Variants in PLCB2 observed in about 807,000 individuals in gnomAD.
PLCB2 encodes phospholipase C beta 2.
A neutral mutation model predicts 141.7 loss-of-function variants in PLCB2; 115 were observed. The ratio of observed to expected loss-of-function variants is 0.81; its 90% CI spans 0.70 to 0.95. PLCB2 has a LOEUF of 0.95. Ranked by LOEUF, PLCB2 falls within the 40% of genes least tolerant of loss-of-function variation. The pLI is 0.00. For missense variants in PLCB2, 1,403 were observed against 1,541.1 expected, an observed-to-expected ratio of 0.91 and a Z score of 1.50; for synonymous variants, 603 against 595.6, an observed-to-expected ratio of 1.01 and a Z score of -0.18.
chr15:40,292,371 T>A lies in PLCB2; in HGVS notation c.2399A>T (p.Glu800Val), dbSNP rs1242657944. Residue 800 changes from glutamate (E) to valine (V), a missense_variant, in exon 22 of 32, where the codon GAG becomes GTG. Glu to Val is a moderately radical substitution (Grantham distance 121). Transcript: ENST00000260402. Reference protein sequence around the residue: ...LTMPALFIFLEMKDYIPGAWA... With the variant: ...LTMPALFIFLVMKDYIPGAWA... ...AGCACCAGGTATGTAGTCCTTCATC[T>A]CCAGGAAGATGAAGAGCGCAGGCAT... 1.2e-6 allele frequency: 2 copies of A among 1,613,662 alleles called. No homozygotes were observed. The highest frequency in any genetic ancestry group is 3.3e-5 in the Admixed American group (2 of 60,002).
chr15:40,293,696 C>A lies in PLCB2; in HGVS notation c.2090G>T (p.Arg697Leu). The change falls in exon 20 of 32, where the codon CGC (arginine) becomes CTC (leucine). Residue 697 changes from arginine to leucine, a missense_variant. Arg to Leu is a moderately radical substitution (Grantham distance 102). Coordinates refer to ENST00000260402, the MANE Select transcript of PLCB2 (RefSeq NM_004573.3). Reference protein sequence around the residue: ...TVISGQFLSERSVRTYVEVEL... With the variant: ...TVISGQFLSELSVRTYVEVEL... ...CACTTCTACATAGGTGCGCACGCTG[C>A]GTTCTGACAGGAACTGCCCAGAGAT... 6.2e-7 allele frequency: 1 copy of A among 1,613,636 alleles called. No individual in the cohort carries two copies. Among genetic ancestry groups the A allele is most frequent in the Non-Finnish European group, 8.5e-7 (1 of 1,179,654 alleles).
At chr15:40,299,958 C>T (rs2040425646) in intron 7 of PLCB2, among the ~76,000 whole-genome samples, 2 of 152,156 alleles carry the variant, frequency 1.3e-5, no homozygotes, top group Admixed American at 6.5e-5. Context: ...TAGTTAGAGA[C>T]ATGCAAATCA....
rs557741267 is a variant in PLCB2, at chr15:40,305,828, C to T, written c.85-1750G>A. Among the ~76,000 whole-genome samples, 21 of 152,344 alleles carry T rather than the reference C, an allele frequency of 1.4e-4. No individual in the cohort carries two copies. In the Middle Eastern group the frequency reaches 0.01, roughly 74 times the overall value. On this transcript the variant is annotated intron_variant, in intron 1 of 31. Transcript: ENST00000260402. Reference sequence around the variant, plus strand: ...CCCTTTCCCACCTCCCTCCCTATAGCTCATGCCTAGAGGGGCCTTGAGCAG... The same window carrying T: ...CCCTTTCCCACCTCCCTCCCTATAGTTCATGCCTAGAGGGGCCTTGAGCAG...
chr15:40,294,214 C>A, intron 19 of PLCB2, 52 bp downstream of exon 19: 1 of 1,589,328 alleles, frequency 6.3e-7, no homozygotes. Flanking sequence ...CTCCTGTGCC[C>A]TTCTACTCAA....
chr15:40,302,619 G>T lies in PLCB2; in HGVS notation c.232-10C>A, dbSNP rs942295404. ...CCCGGAGCTTCTGGCTCTGCAGCACGTGGTGGTATGGTTAGGATGGAGGTG... is the reference window on the plus strand; with the variant it reads ...CCCGGAGCTTCTGGCTCTGCAGCACTTGGTGGTATGGTTAGGATGGAGGTG... On this transcript the variant is annotated splice_polypyrimidine_tract_variant and intron_variant, in intron 3 of 31. Coordinates refer to ENST00000260402, the MANE Select transcript of PLCB2 (RefSeq NM_004573.3). 1.9e-6 allele frequency: 3 copies of T among 1,613,824 alleles called. No individual in the cohort carries two copies. The highest frequency in any genetic ancestry group is 2.5e-6 in the Non-Finnish European group (3 of 1,179,860).
chr15:40,292,794 T>G, intron 21 of PLCB2, 132 bp downstream of exon 21: 1 of 606,466 alleles, frequency 1.6e-6, no homozygotes, highest in Admixed American at 2.8e-5. Context: ...GGAGAGGTAC[T>G]GTTCTGCCCT....
intron 7 of PLCB2, among the ~76,000 whole-genome samples, chr15:40,299,510 G>A (rs1039095200): frequency 6.6e-6 from 1 of 152,218 alleles, no homozygotes; most frequent in Non-Finnish European, 1.5e-5. Flanking sequence ...AAAGAGGTCA[G>A]AAGAAATGAT....
In PLCB2 at chr15:40,292,081, T is replaced by G. The variant is rs2039969391; in HGVS notation, c.2509A>C (p.Met837Leu). The change falls in exon 23 of 32, where the codon ATG (methionine) becomes CTG (leucine). Residue 837 changes from methionine (M) to leucine (L), a missense_variant. Coordinates refer to ENST00000260402, the MANE Select transcript of PLCB2 (RefSeq NM_004573.3). ...DTKSVKLKEA[M>L]GGLPEKPFPL... The stretch of plus-strand genomic sequence containing the variant: ...ACACAGACCTCAGGCAGACCTCCCA[T>G]GGCCTCCTTGAGCTTCACAGACTTC... 1 of 1,614,006 alleles carries G rather than the reference T, an allele frequency of 6.2e-7. No homozygotes were observed. Among genetic ancestry groups the G allele is most frequent in the African/African-American group, 1.3e-5 (1 of 74,928 alleles).
intron 7 of PLCB2, 173 bp from the exon 8 acceptor site, chr15:40,299,401 G>C: frequency 1.8e-6 from 1 of 570,806 alleles, no homozygotes; most frequent in South Asian, 2.1e-5. Context: ...GCTGAGCAGA[G>C]AGCATGCTTA....
chr15:40,285,999 G>C (rs2039603747), downstream of PLCB2: 1 of 985,554 alleles, frequency 1.0e-6, no homozygotes, highest in African/African-American at 1.7e-5. Context: ...TGGTTCCCAT[G>C]GCAGGAAGGG....
At chr15:40,304,267 A>G (rs1361561498) in intron 1 of PLCB2, among the ~76,000 whole-genome samples, 189 bp from the exon 2 acceptor site, 1 of 152,168 alleles carries the variant, frequency 6.6e-6, no homozygotes, top group South Asian at 2.1e-4. Context: ...TTTCTGGAAG[A>G]GAAGGGTTTT....
chr15:40,291,763 T>A, intron 24 of PLCB2, 86 bp downstream of exon 24: 1 of 1,606,422 alleles, frequency 6.2e-7, no homozygotes, highest in Middle Eastern at 1.7e-4. Context: ...CCCCGCACTT[T>A]CCCTAGGTGA....
intron 30 of PLCB2, 73 bp downstream of exon 30, chr15:40,289,941 GAGAGAGAGAGA>G: frequency 7.5e-6 from 1 of 133,666 alleles, no homozygotes; most frequent in Non-Finnish European, 1.7e-5. Context: ...GAGAGAGAGA[GAGAGAGAGAGA>G]GAGAGAGAGA....
chr15:40,289,375 G>A lies in PLCB2; in HGVS notation c.3268-17C>T, dbSNP rs760889738. 1.1e-5 allele frequency: 18 copies of A among 1,597,148 alleles called. 1 individual carries two copies. The Admixed American group carries it at 2.2e-4, about 19-fold the overall frequency. ...CTCCGTCATCTGGGTGGGAGTGGAT[G>A]GCAGAGAATCAGGACAACACAGACA... On this transcript the variant is annotated splice_polypyrimidine_tract_variant and intron_variant, in intron 30 of 31. Transcript: ENST00000260402.
intron 1 of PLCB2, among the ~76,000 whole-genome samples, chr15:40,305,234 T>C (rs1037465973): frequency 2.7e-5 from 4 of 150,932 alleles, no homozygotes; most frequent in African/African-American, 9.7e-5. Flanking sequence ...AATGTGTGGG[T>C]TTGTTACATA....
intron 7 of PLCB2, chr15:40,301,339 T>C: frequency 1.7e-6 from 1 of 574,294 alleles, no homozygotes; most frequent in South Asian, 2.2e-5. Flanking sequence ...TTGGCCAGGC[T>C]TGAAGCCTAG....
intron 30 of PLCB2, chr15:40,289,586 C>A: frequency 1.7e-6 from 1 of 576,690 alleles, no homozygotes; most frequent in East Asian, 2.9e-5. Context: ...TGGCACAGGT[C>A]AGGACCCAGT....
At chr15:40,305,688 C>G (rs1282607179) in intron 1 of PLCB2, among the ~76,000 whole-genome samples, 1 of 152,212 alleles carries the variant, frequency 6.6e-6, no homozygotes, top group Non-Finnish European at 1.5e-5. Context: ...AGGGGTGGGT[C>G]TCCCAAGAAT....
intron 23 of PLCB2, 63 bp from the exon 24 acceptor site, chr15:40,291,987 C>A: frequency 6.2e-7 from 1 of 1,603,120 alleles, no homozygotes; most frequent in Non-Finnish European, 8.5e-7. Flanking sequence ...GCCTGGGACT[C>A]GGCCCTCTCC....
Sources: allele counts gnomAD v4.1 joint callset (sites outside exome capture counted in the v4.1 genomes callset), GRCh38; gene constraint gnomAD v4.1.1; transcripts MANE v1.5; gene names NCBI Gene and HGNC (gene_info 2026-07-23, HGNC 2026-07-21).